Variants in CDH13 observed in about 807,000 individuals in gnomAD.
The protein encoded by CDH13 is cadherin 13, also known as cadherin-13.
CDH13 carries 24 observed loss-of-function variants against 63.8 expected under a neutral mutation model. The observed-to-expected ratio is 0.38, with a 90% CI of 0.27 to 0.53. The LOEUF (loss-of-function observed/expected upper bound fraction) is 0.53, where lower values mean the gene tolerates loss of function less well. CDH13 is among the 20% of genes least tolerant of loss of function. The probability of loss-of-function intolerance (pLI) is 0.85; values close to 1 mark genes in which losing one functional copy is unlikely to be tolerated. For missense variants in CDH13, 1,049 were observed against 903.1 expected (o/e 1.16, Z -2.07); for synonymous variants, 503 against 355.3 (o/e 1.42, Z -4.67).
intron 6 of CDH13, among the ~76,000 whole-genome samples, chr16:83,362,881 C>A (rs2091188719): frequency 6.6e-6 from 1 of 152,190 alleles, no homozygotes; most frequent in East Asian, 1.9e-4. Flanking sequence ...GGAGATGCAA[C>A]AGGCAAGCAT....
intron 6 of CDH13, among the ~76,000 whole-genome samples, chr16:83,427,850 A>G (rs1053884576): frequency 6.6e-6 from 1 of 152,176 alleles, no homozygotes; most frequent in African/African-American, 2.4e-5. Flanking sequence ...AGTATTAACA[A>G]TTACATTCCT....
rs1335101994 is a variant in CDH13, at chr16:83,670,796, G to A, written c.1108G>A (p.Ala370Thr). 2 of 1,613,886 alleles carry A rather than the reference G, an allele frequency of 1.2e-6. No homozygotes were observed. Among genetic ancestry groups the A allele is most frequent in the South Asian group, 1.1e-5 (1 of 91,074 alleles). The change falls in exon 9 of 14, where the codon GCC becomes ACC. Residue 370 changes from alanine (A) to threonine (T), a missense_variant. Coordinates refer to ENST00000567109, the MANE Select transcript of CDH13 (RefSeq NM_001257.5). ...SPKFTKKEFQ[A>T]TVEEGAVGVI... ...CCATCTGCTTTGTTTGCAGTTTCAA[G>A]CCACAGTCGAGGAAGGAGCTGTGGG...
At chr16:82,983,978 A>G (rs540538313) in intron 2 of CDH13, among the ~76,000 whole-genome samples, 2 of 152,212 alleles carry the variant, frequency 1.3e-5, no homozygotes. Context: ...TCTGCCATAG[A>G]TACAAGGACT....
At chr16:83,620,778 G>A (rs943483215) in intron 8 of CDH13, among the ~76,000 whole-genome samples, 3 of 152,152 alleles carry the variant, frequency 2.0e-5, no homozygotes, top group Non-Finnish European at 4.4e-5. Context: ...TCTGGCCTCT[G>A]CATCTGCTTT....
intron 4 of CDH13, among the ~76,000 whole-genome samples, chr16:83,215,644 G>T (rs1000477294): frequency 6.6e-6 from 1 of 151,604 alleles, no homozygotes; most frequent in African/African-American, 2.4e-5. Context: ...CGGGGGTGGT[G>T]GGGTGGTGGA....
intron 6 of CDH13, among the ~76,000 whole-genome samples, chr16:83,408,023 A>G (rs1363531656): frequency 6.6e-6 from 1 of 152,114 alleles, no homozygotes; most frequent in Non-Finnish European, 1.5e-5. Context: ...CTAGCATCTT[A>G]ATGGAGCGGC....
chr16:83,013,949 G>A (rs1252926398), intron 2 of CDH13, among the ~76,000 whole-genome samples: 2 of 152,160 alleles, frequency 1.3e-5, no homozygotes, highest in Non-Finnish European at 2.9e-5. Context: ...AGAAACATCA[G>A]CCTCATCTGT....
At chr16:82,992,461 G>T (rs372759939) in intron 2 of CDH13, among the ~76,000 whole-genome samples, 1 of 152,158 alleles carries the variant, frequency 6.6e-6, no homozygotes, top group Admixed American at 6.5e-5. Context: ...TCTACGTGCA[G>T]AGAGACTGGT....
chr16:83,584,290 C>T (rs1054929048), intron 7 of CDH13, among the ~76,000 whole-genome samples: 1 of 152,182 alleles, frequency 6.6e-6, no homozygotes, highest in East Asian at 1.9e-4. Context: ...GATCGTGCCA[C>T]TGCACTCCAG....
chr16:82,989,719 G>A (rs1911417278), intron 2 of CDH13, among the ~76,000 whole-genome samples: 1 of 152,172 alleles, frequency 6.6e-6, no homozygotes, highest in Non-Finnish European at 1.5e-5. Context: ...CTCAATGCTG[G>A]CTCTCGTAGC....
At chr16:83,605,586 T>C (rs902635822) in intron 8 of CDH13, among the ~76,000 whole-genome samples, 1 of 152,118 alleles carries the variant, frequency 6.6e-6, no homozygotes, top group East Asian at 1.9e-4. Flanking sequence ...AGCTAATGAC[T>C]AAAAGAACCT....
intron 3 of CDH13, among the ~76,000 whole-genome samples, chr16:83,120,063 G>A (rs542967286): frequency 2.6e-5 from 4 of 151,724 alleles, no homozygotes; most frequent in African/African-American, 9.7e-5. Flanking sequence ...GATGCCCACC[G>A]TGACGGGCCC....
chr16:83,399,625 G>C (rs1174432377), intron 6 of CDH13, among the ~76,000 whole-genome samples: 1 of 152,136 alleles, frequency 6.6e-6, no homozygotes, highest in South Asian at 2.1e-4. Context: ...AATGATGTGT[G>C]ACTTCTGAGA....
chr16:82,932,891 AG>A (rs2042544046), intron 2 of CDH13, among the ~76,000 whole-genome samples: 1 of 152,234 alleles, frequency 6.6e-6, no homozygotes, highest in South Asian at 2.1e-4. Flanking sequence ...GAAGTTGACT[AG>A]TAGAGAATGA....
At chr16:83,443,884 A>G (rs1358923007) in intron 6 of CDH13, among the ~76,000 whole-genome samples, 2 of 148,422 alleles carry the variant, frequency 1.3e-5, no homozygotes, top group East Asian at 3.9e-4. Context: ...GCAGTGAGCC[A>G]AGACTGCACC....
chr16:83,346,920 T>C (rs2090851854), intron 6 of CDH13, among the ~76,000 whole-genome samples: 1 of 152,228 alleles, frequency 6.6e-6, no homozygotes, highest in Non-Finnish European at 1.5e-5. Flanking sequence ...TGATTGGTAT[T>C]ATCCTATAAA....
At chr16:83,644,961 T>C (rs1302091387) in intron 8 of CDH13, among the ~76,000 whole-genome samples, 1 of 152,190 alleles carries the variant, frequency 6.6e-6, no homozygotes, top group Non-Finnish European at 1.5e-5. Flanking sequence ...TATTCTGGGC[T>C]CCTCGCTTGG....
intron 2 of CDH13, among the ~76,000 whole-genome samples, chr16:83,002,804 G>A (rs1913079025): frequency 6.6e-6 from 1 of 152,146 alleles, no homozygotes; most frequent in South Asian, 2.1e-4. Flanking sequence ...AGAAGGGAAT[G>A]AAACTGCAAA....
chr16:83,731,903 A>C (rs1911078574), intron 10 of CDH13, among the ~76,000 whole-genome samples: 1 of 152,254 alleles, frequency 6.6e-6, no homozygotes, highest in South Asian at 2.1e-4. Flanking sequence ...GCTGCATGAC[A>C]GGTAGCAGGT....
Sources: allele counts gnomAD v4.1 joint callset (sites outside exome capture counted in the v4.1 genomes callset), GRCh38; gene constraint gnomAD v4.1.1; transcripts MANE v1.5; gene names NCBI Gene and HGNC (gene_info 2026-07-23, HGNC 2026-07-21).